The following DLGAP4 variants were observed in gnomAD, a reference collection of about 807,000 sequenced individuals.
The protein encoded by DLGAP4 is DLG associated protein 4.
A neutral mutation model predicts 86.9 loss-of-function variants in DLGAP4; 18 were observed. The ratio of observed to expected loss-of-function variants is 0.21; its 90% CI spans 0.14 to 0.31. The LOEUF (loss-of-function observed/expected upper bound fraction) is 0.31. DLGAP4 is among the 10% of genes least tolerant of loss of function. The probability of loss-of-function intolerance (pLI) is 1.00; values close to 1 mark genes in which losing one functional copy is unlikely to be tolerated. For synonymous variants in DLGAP4, 548 were observed against 574.3 expected, an observed-to-expected ratio of 0.95 and a Z score of 0.65; for missense variants, 1,085 against 1,362.6, an observed-to-expected ratio of 0.80 and a Z score of 3.21.
At chr20:36,322,339 A>G (rs2065176843) in intron 1 of DLGAP4, among the ~76,000 whole-genome samples, 1 of 152,212 alleles carries the variant, frequency 6.6e-6, no homozygotes, top group Admixed American at 6.5e-5. Flanking sequence ...GGCGGGGGCC[A>G]GACGGTATGG....
At chr20:36,340,779 C>T (rs1053338102) in intron 1 of DLGAP4, among the ~76,000 whole-genome samples, 6 of 152,206 alleles carry the variant, frequency 3.9e-5, no homozygotes, top group African/African-American at 9.7e-5. Flanking sequence ...CCTGGTCCCT[C>T]GGGGGGCTGT....
intron 1 of DLGAP4, among the ~76,000 whole-genome samples, chr20:36,349,367 G>A (rs1485577969): frequency 2.0e-5 from 3 of 147,912 alleles, no homozygotes; most frequent in Non-Finnish European, 3.0e-5. Context: ...GCAGTGAGCC[G>A]AGATCACGCC....
chr20:36,499,150 A>G (rs2036010959), intron 8 of DLGAP4: 1 of 1,269,108 alleles, frequency 7.9e-7, no homozygotes, highest in African/African-American at 1.5e-5. Context: ...AGCTTCAACT[A>G]CACCAGATAA....
chr20:36,365,381 A>C (rs2030651491), intron 1 of DLGAP4, among the ~76,000 whole-genome samples: 1 of 152,224 alleles, frequency 6.6e-6, no homozygotes, highest in African/African-American at 2.4e-5. Flanking sequence ...TGAATCTTGA[A>C]ATCTTTTATG....
At chr20:36,417,961 T>C (rs927041760) in intron 2 of DLGAP4, among the ~76,000 whole-genome samples, 37 of 150,814 alleles carry the variant, frequency 2.5e-4, no homozygotes, top group African/African-American at 8.8e-4. Context: ...ATTTTTGTAT[T>C]TTTATTAGAG....
chr20:36,317,280 C>CTT (rs2065115308), intron 1 of DLGAP4, among the ~76,000 whole-genome samples: 1 of 5,428 alleles, frequency 1.8e-4, no homozygotes, highest in Non-Finnish European at 3.4e-4. Flanking sequence ...TCTTTCTTAT[C>CTT]TTTCTTTCTT....
chr20:36,328,382 A>C (rs1362197594), intron 1 of DLGAP4, among the ~76,000 whole-genome samples: 2 of 152,048 alleles, frequency 1.3e-5, no homozygotes, highest in Non-Finnish European at 2.9e-5. Flanking sequence ...TGGGCCCCAG[A>C]GTCACCCTAG....
chr20:36,436,478 GC>G, intron 4 of DLGAP4, 128 bp downstream of exon 4: 1 of 1,391,308 alleles, frequency 7.2e-7, no homozygotes. Flanking sequence ...CCCCCTTTGA[GC>G]CACGCCCACT....
At chr20:36,507,402 A>AT (rs528851723) in intron 10 of DLGAP4, among the ~76,000 whole-genome samples, 1,817 of 152,056 alleles carry the variant, frequency 0.012, 14 homozygotes, top group Non-Finnish European at 0.019. Context: ...TAATTTTTGT[A>AT]TTTTTAGTAG....
intron 1 of DLGAP4, among the ~76,000 whole-genome samples, chr20:36,315,237 G>C (rs2065088172): frequency 1.3e-5 from 2 of 151,822 alleles, no homozygotes; most frequent in Non-Finnish European, 2.9e-5. Context: ...TCACCTCCCA[G>C]ATGAATATAA....
chr20:36,390,518 T>A (rs2031748738), intron 2 of DLGAP4, among the ~76,000 whole-genome samples: 2 of 152,154 alleles, frequency 1.3e-5, no homozygotes, highest in South Asian at 4.2e-4. Flanking sequence ...TGTCCCCCTA[T>A]ATTTAACTCC....
intron 7 of DLGAP4, chr20:36,462,455 C>T: frequency 1.3e-6 from 2 of 1,539,348 alleles, no homozygotes; most frequent in Admixed American, 2.3e-5. Context: ...CCCTTGGCCC[C>T]CCCTTGCTTT....
chr20:36,318,356 G>A (rs1050152218), intron 1 of DLGAP4, among the ~76,000 whole-genome samples: 14 of 152,112 alleles, frequency 9.2e-5, no homozygotes, highest in African/African-American at 1.2e-4. Context: ...GAGGAAGAGT[G>A]ACACTCCTGA....
chr20:36,496,666 A>G, intron 7 of DLGAP4, 39 bp from the exon 8 acceptor site: 1 of 1,568,196 alleles, frequency 6.4e-7, no homozygotes, highest in Non-Finnish European at 8.7e-7. Flanking sequence ...GGGCTTCACC[A>G]TCTCACCTCT....
intron 1 of DLGAP4, among the ~76,000 whole-genome samples, chr20:36,331,695 G>A (rs1050504138): frequency 1.3e-5 from 2 of 152,244 alleles, no homozygotes; most frequent in African/African-American, 2.4e-5. Flanking sequence ...CCTACTGTGT[G>A]CCCTGGAGAC....
At chr20:36,384,908 C>T in intron 2 of DLGAP4, among the ~76,000 whole-genome samples, 1 of 152,192 alleles carries the variant, frequency 6.6e-6, no homozygotes, top group East Asian at 1.9e-4. Context: ...TGCATAACCA[C>T]ATTGGTGAAG....
chr20:36,450,336 A>G (rs1301471945), intron 7 of DLGAP4, among the ~76,000 whole-genome samples: 1 of 152,178 alleles, frequency 6.6e-6, no homozygotes, highest in African/African-American at 2.4e-5. Context: ...TGTCTCTACT[A>G]AAAATACAAA....
intron 7 of DLGAP4, among the ~76,000 whole-genome samples, chr20:36,455,901 G>A (rs897885692): frequency 2.0e-5 from 3 of 152,094 alleles, no homozygotes; most frequent in South Asian, 2.1e-4. Flanking sequence ...TCACTCCACC[G>A]CAGGCTCTTG....
chr20:36,502,443 G>A (rs897350179), intron 10 of DLGAP4, among the ~76,000 whole-genome samples: 4 of 152,152 alleles, frequency 2.6e-5, no homozygotes, highest in Admixed American at 2.0e-4. Context: ...TCAAACTCCT[G>A]GGCCGAAGTA....
Sources: gnomAD v4.1 joint callset for allele counts (sites outside exome capture counted in the v4.1 genomes callset) on GRCh38, gnomAD v4.1.1 for gene constraint, MANE v1.5 for transcripts, NCBI Gene and HGNC (gene_info 2026-07-23, HGNC 2026-07-21) for gene names.